RIMS2: variants seen among roughly 807,000 people sequenced by gnomAD.
The protein encoded by RIMS2 is regulating synaptic membrane exocytosis 2, also known as regulating synaptic membrane exocytosis protein 2.
RIMS2 carries 59 observed loss-of-function variants against 174.4 expected under a neutral mutation model. The observed-to-expected ratio is 0.34, with a 90% CI of 0.27 to 0.42. The LOEUF (loss-of-function observed/expected upper bound fraction) is 0.42. Ranked by LOEUF, RIMS2 falls within the 10% of genes least tolerant of loss-of-function variation. The pLI is 1.00. For missense variants in RIMS2, 1,620 were observed against 1,666.3 expected (o/e 0.97, Z 0.48); for synonymous variants, 606 against 572.5 (o/e 1.06, Z -0.84).
At chr8:103,658,781 G>A (rs1237829057) in intron 1 of RIMS2, among the ~76,000 whole-genome samples, 4 of 152,134 alleles carry the variant, frequency 2.6e-5, no homozygotes, top group South Asian at 2.1e-4. Flanking sequence ...AGTACTAAAT[G>A]TGCAGATCTC....
chr8:103,584,427 C>G (rs2093789678), intron 1 of RIMS2, among the ~76,000 whole-genome samples: 1 of 77,648 alleles, frequency 1.3e-5, no homozygotes, highest in Non-Finnish European at 2.5e-5. Flanking sequence ...AGTAAGTACA[C>G]AGAAAAACAC....
At chr8:104,098,460 ACT>A (rs2130810336) in intron 19 of RIMS2, among the ~76,000 whole-genome samples, 1 of 152,266 alleles carries the variant, frequency 6.6e-6, no homozygotes, top group South Asian at 2.1e-4. Context: ...AAAAACAAAT[ACT>A]GAAAAGCATA....
chr8:103,998,708 C>T (rs2095251722), intron 17 of RIMS2, among the ~76,000 whole-genome samples: 1 of 151,594 alleles, frequency 6.6e-6, no homozygotes, highest in Non-Finnish European at 1.5e-5. Flanking sequence ...TTGTGGTTGC[C>T]TTGTCAGAGG....
At chr8:103,850,960 C>A (rs549412848) in intron 3 of RIMS2, among the ~76,000 whole-genome samples, 1 of 152,030 alleles carries the variant, frequency 6.6e-6, no homozygotes, top group East Asian at 1.9e-4. Context: ...CTTTTTATAA[C>A]TTTTAGATAA....
chr8:103,647,934 A>T lies in RIMS2; in HGVS notation c.177-49152A>T, dbSNP rs181175598. Among the ~76,000 whole-genome samples the T allele has an allele frequency of 6.9e-5, 9 of 130,502 alleles. No individual in the cohort carries two copies. The South Asian group carries it at 1.2e-3, about 17-fold the overall frequency. 85.6% of individuals were successfully genotyped at this position (130,502 alleles called of 152,430 possible). ...TTAATTTTTGTATCACCTTCAGTTC[A>T]GTTTTGATCTTGGTTACTTCTTGTC... On this transcript the variant is annotated intron_variant, in intron 1 of 23. Transcript: ENST00000504942.
chr8:103,958,596 A>G (rs919645918), intron 14 of RIMS2, among the ~76,000 whole-genome samples: 5 of 152,220 alleles, frequency 3.3e-5, no homozygotes. Flanking sequence ...AAAAAATGCT[A>G]TTCATAAAGA....
intron 4 of RIMS2, among the ~76,000 whole-genome samples, chr8:103,889,976 A>C (rs2099233129): frequency 6.6e-6 from 1 of 151,712 alleles, no homozygotes; most frequent in African/African-American, 2.4e-5. Context: ...CTTTTTAACC[A>C]CTCTAGGTCT....
intron 1 of RIMS2, among the ~76,000 whole-genome samples, chr8:103,584,723 C>G (rs1340057845): frequency 6.6e-6 from 1 of 152,028 alleles, no homozygotes; most frequent in Non-Finnish European, 1.5e-5. Flanking sequence ...ATTCAAAACA[C>G]ATACAATGCA....
chr8:104,105,391 G>C (rs1249289914), intron 19 of RIMS2, among the ~76,000 whole-genome samples: 1 of 152,150 alleles, frequency 6.6e-6, no homozygotes, highest in Non-Finnish European at 1.5e-5. Context: ...GTTCAAGAAA[G>C]TACCAGGTTT....
chr8:103,838,174 G>A (rs917882427), intron 3 of RIMS2, among the ~76,000 whole-genome samples: 4 of 152,002 alleles, frequency 2.6e-5, no homozygotes, highest in Non-Finnish European at 5.9e-5. Flanking sequence ...TCAAACTGCT[G>A]AGCTCAAGAG....
Position 103,819,539 on chromosome 8 carries a change from A to G in RIMS2, c.698+53002A>G, listed in dbSNP as rs2098738490. ...TTTGAGACATTGCGCCAGGTCTGCA[A>G]TTCTGTTTTATCTCATTTTCATGGG... On this transcript the variant is annotated intron_variant, in intron 3 of 23. Transcript: ENST00000504942. 6 of 1,613,400 alleles carry G rather than the reference A, an allele frequency of 3.7e-6. No individual in the cohort carries two copies. The East Asian group carries it at 8.9e-5, about 24-fold the overall frequency.
At chr8:103,636,721 C>T (rs192775398) in intron 1 of RIMS2, among the ~76,000 whole-genome samples, 4 of 151,340 alleles carry the variant, frequency 2.6e-5, no homozygotes, top group Admixed American at 1.3e-4. Flanking sequence ...GAGAGCCATG[C>T]GTACTAGCTG....
chr8:103,593,773 ATAACT>A (rs758016722), intron 1 of RIMS2, among the ~76,000 whole-genome samples: 5 of 151,340 alleles, frequency 3.3e-5, no homozygotes, highest in Middle Eastern at 3.2e-3. Flanking sequence ...TACATAACAG[ATAACT>A]TATGTTAGCA....
At chr8:104,204,002 A>G (rs1461612822) in intron 19 of RIMS2, among the ~76,000 whole-genome samples, 4 of 152,174 alleles carry the variant, frequency 2.6e-5, no homozygotes, top group Non-Finnish European at 5.9e-5. Context: ...TAAGTCTACA[A>G]AGTTGCCCCA....
intron 19 of RIMS2, among the ~76,000 whole-genome samples, chr8:104,101,669 T>C (rs899968440): frequency 3.3e-5 from 5 of 152,086 alleles, no homozygotes; most frequent in Admixed American, 3.3e-4. Context: ...ATTTTGTGTG[T>C]GTTAGGAGTA....
chr8:103,684,539 T>TTTTTA (rs71297228), intron 1 of RIMS2, among the ~76,000 whole-genome samples: 15,206 of 133,638 alleles, frequency 0.11, 1,122 homozygotes, highest in South Asian at 0.18. Flanking sequence ...GTTCATACTT[T>TTTTTA]TTTTATTTTA....
intron 3 of RIMS2, among the ~76,000 whole-genome samples, chr8:103,768,067 A>T (rs1301780386): frequency 6.6e-6 from 1 of 152,202 alleles, no homozygotes; most frequent in Non-Finnish European, 1.5e-5. Flanking sequence ...GTGAATGATG[A>T]GGCAATGTGG....
At chr8:103,578,366 CT>C (rs1469470340) in intron 1 of RIMS2, among the ~76,000 whole-genome samples, 2 of 151,878 alleles carry the variant, frequency 1.3e-5, no homozygotes, top group African/African-American at 4.8e-5. Context: ...CCCATCTCTG[CT>C]AAAAATACAA....
chr8:104,068,543 A>G, intron 19 of RIMS2: 3 of 1,565,898 alleles, frequency 1.9e-6, no homozygotes, highest in Non-Finnish European at 2.6e-6. Context: ...GAAATCGCCA[A>G]ATGAAAATTA....
Sources: gnomAD v4.1 joint callset for allele counts (sites outside exome capture counted in the v4.1 genomes callset) on GRCh38, gnomAD v4.1.1 for gene constraint, MANE v1.5 for transcripts, NCBI Gene and HGNC (gene_info 2026-07-23, HGNC 2026-07-21) for gene names.